ERO1B: variants seen among roughly 807,000 people sequenced by gnomAD.
ERO1B encodes ERO1-like protein beta.
A neutral mutation model predicts 75.3 loss-of-function variants in ERO1B; 49 were observed. The observed-to-expected ratio is 0.65, with a 90% CI of 0.52 to 0.83. The LOEUF is 0.83. Among genes scored for constraint, ERO1B ranks in the 40% least tolerant of loss-of-function variants. The pLI is 0.00. For missense variants in ERO1B, 512 were observed against 560.1 expected (o/e 0.91, Z 0.87); for synonymous variants, 191 against 192.9 (o/e 0.99, Z 0.08).
At chr1:236,218,677 AAAAT>A in intron 15 of ERO1B, 101 bp from the exon 16 acceptor site, 2 of 1,050,956 alleles carry the variant, frequency 1.9e-6, no homozygotes, top group Admixed American at 3.9e-5. Flanking sequence ...AGCAAAACCT[AAAAT>A]AAAAAACCTC....
At chr1:236,275,464 G>A (rs1665690853) in intron 1 of ERO1B, among the ~76,000 whole-genome samples, 1 of 152,214 alleles carries the variant, frequency 6.6e-6, no homozygotes, top group Non-Finnish European at 1.5e-5. Flanking sequence ...TACTAAGGCA[G>A]AGGGATGTGC....
chr1:236,274,535 C>T (rs2102967491), intron 1 of ERO1B, among the ~76,000 whole-genome samples: 1 of 152,186 alleles, frequency 6.6e-6, no homozygotes, highest in East Asian at 1.9e-4. Flanking sequence ...TCTTTTAGAA[C>T]TCCAATTAGA....
chr1:236,260,446 G>T (rs1665268937), intron 2 of ERO1B, among the ~76,000 whole-genome samples: 1 of 152,116 alleles, frequency 6.6e-6, no homozygotes. Flanking sequence ...GATCACCTGA[G>T]GTCAGGTCAG....
chr1:236,271,136 T>C (rs753354955), intron 1 of ERO1B, among the ~76,000 whole-genome samples: 2 of 152,146 alleles, frequency 1.3e-5, no homozygotes, highest in African/African-American at 2.4e-5. Flanking sequence ...ACCATTGGGA[T>C]AAATAGATAA....
intron 15 of ERO1B, among the ~76,000 whole-genome samples, chr1:236,219,779 G>A (rs1452224241): frequency 6.6e-6 from 1 of 152,088 alleles, no homozygotes; most frequent in Admixed American, 6.6e-5. Flanking sequence ...CCAGCACTTT[G>A]GGAGGCCAAG....
At chr1:236,246,345 T>A (rs115901929) in intron 5 of ERO1B, among the ~76,000 whole-genome samples, 1,812 of 151,946 alleles carry the variant, frequency 0.012, 16 homozygotes, top group Admixed American at 0.022. Context: ...TTTTTTTTTT[T>A]AATTTTTTGT....
At chr1:236,268,816 G>A (rs1276301871) in intron 2 of ERO1B, among the ~76,000 whole-genome samples, 3 of 152,156 alleles carry the variant, frequency 2.0e-5, no homozygotes, top group Non-Finnish European at 2.9e-5. Flanking sequence ...AACCTGGGAA[G>A]TAGAGCTTGC....
chr1:236,250,961 C>T (rs1166323491), intron 4 of ERO1B, among the ~76,000 whole-genome samples: 1 of 151,778 alleles, frequency 6.6e-6, no homozygotes, highest in Non-Finnish European at 1.5e-5. Flanking sequence ...CACAATGAGA[C>T]AAAGGACAAA....
rs547652363 is a variant in ERO1B, at chr1:236,241,786, C to T, written c.505+1636G>A. ...CTAATATTTTAAAAAATAGTTAACACGGCCAGGTGCAGTGGCTCAAGCCTG... is the reference window on the plus strand; with the variant it reads ...CTAATATTTTAAAAAATAGTTAACATGGCCAGGTGCAGTGGCTCAAGCCTG... On this transcript the variant is annotated intron_variant, in intron 6 of 15. Transcript: ENST00000354619. Among the ~76,000 whole-genome samples, 11 of 151,930 alleles carry T rather than the reference C, an allele frequency of 7.2e-5. No individual in the cohort carries two copies. In the East Asian group the frequency reaches 7.8e-4, roughly 11 times the overall value.
intron 4 of ERO1B, among the ~76,000 whole-genome samples, chr1:236,250,868 A>AT (rs1318547439): frequency 6.6e-5 from 10 of 151,934 alleles, no homozygotes; most frequent in Admixed American, 1.3e-4. Context: ...ATTTGGTATT[A>AT]TTTCTAATGT....
chr1:236,220,085 T>G (rs1402340846), intron 15 of ERO1B: 1 of 150,714 alleles, frequency 6.6e-6, no homozygotes, highest in Non-Finnish European at 1.5e-5. Flanking sequence ...TGTTTTTAAT[T>G]TAACTGCTTC....
chr1:236,260,465 G>A (rs1374512861), intron 2 of ERO1B, among the ~76,000 whole-genome samples: 1 of 152,172 alleles, frequency 6.6e-6, no homozygotes, highest in African/African-American at 2.4e-5. Context: ...AGGAGTTCAA[G>A]ACCAGCCTGG....
chr1:236,226,149 C>G, intron 12 of ERO1B, 120 bp downstream of exon 12: 1 of 950,608 alleles, frequency 1.1e-6, no homozygotes, highest in Non-Finnish European at 1.6e-6. Flanking sequence ...TGATCACTTT[C>G]CTTTTCTGTT....
chr1:236,260,644 A>C (rs1461627870), intron 2 of ERO1B, among the ~76,000 whole-genome samples: 1 of 150,322 alleles, frequency 6.7e-6, no homozygotes, highest in Non-Finnish European at 1.5e-5. Flanking sequence ...CAGCCTGGGC[A>C]ACAGAGCAAG....
At chr1:236,253,612 C>T in intron 2 of ERO1B, 107 bp from the exon 3 acceptor site, 1 of 716,944 alleles carries the variant, frequency 1.4e-6, no homozygotes, top group Non-Finnish European at 2.4e-6. Flanking sequence ...AGAAGGAATA[C>T]TTCCTATCCT....
chr1:236,249,699 A>G (rs927842318), intron 5 of ERO1B, among the ~76,000 whole-genome samples, 186 bp downstream of exon 5: 4 of 152,226 alleles, frequency 2.6e-5, no homozygotes, highest in African/African-American at 9.6e-5. Context: ...TAGAAATTTA[A>G]GGATAAATCA....
chr1:236,253,340 T>C, intron 3 of ERO1B, 82 bp downstream of exon 3: 1 of 797,640 alleles, frequency 1.3e-6, no homozygotes. Flanking sequence ...CCATTGACAT[T>C]AGCCTGAAAT....
chr1:236,275,111 T>G (rs1334751139), intron 1 of ERO1B, among the ~76,000 whole-genome samples: 1 of 152,206 alleles, frequency 6.6e-6, no homozygotes, highest in African/African-American at 2.4e-5. Flanking sequence ...GATTTTAGCT[T>G]TTACTGAATC....
chr1:236,220,527 T>C (rs752057714), intron 15 of ERO1B: 12 of 186,380 alleles, frequency 6.4e-5, no homozygotes, highest in Non-Finnish European at 1.1e-4. Context: ...CAATCACACA[T>C]TCCTTACTCC....
Sources: gnomAD v4.1 joint callset for allele counts (sites outside exome capture counted in the v4.1 genomes callset) on GRCh38, gnomAD v4.1.1 for gene constraint, MANE v1.5 for transcripts, NCBI Gene and HGNC (gene_info 2026-07-23, HGNC 2026-07-21) for gene names.